Variants in ADAMTS18 observed in about 807,000 individuals in gnomAD.
ADAMTS18 encodes the protein ADAM metallopeptidase with thrombospondin type 1 motif 18, also known as A disintegrin and metalloproteinase with thrombospondin motifs 18.
In ADAMTS18, 157 loss-of-function variants were observed where a neutral mutation model predicts 165.9. The ratio of observed to expected loss-of-function variants is 0.95; its 90% CI spans 0.83 to 1.08. ADAMTS18 has a LOEUF of 1.08. Among genes scored for constraint, ADAMTS18 ranks in the 50% least tolerant of loss-of-function variants. The pLI, the probability that ADAMTS18 is intolerant of heterozygous loss-of-function variation, is 0.00. For missense variants in ADAMTS18, 2,040 were observed against 1,534.0 expected (o/e 1.33, Z -5.51); for synonymous variants, 782 against 578.2 (o/e 1.35, Z -5.06).
In ADAMTS18 at chr16:77,284,013, G is replaced by C; in HGVS notation, c.3609C>G (p.Val1203=). 6.2e-7 allele frequency: 1 copy of C among 1,614,026 alleles called. No homozygotes were observed. Among genetic ancestry groups the C allele is most frequent in the Non-Finnish European group, 8.5e-7 (1 of 1,179,958 alleles). Residue 1203 remains valine (V), a synonymous_variant, in exon 23 of 23, where the codon GTC becomes GTG. Coordinates refer to ENST00000282849, the MANE Select transcript of ADAMTS18 (RefSeq NM_199355.4). ...GTTTTCCGTAAAACTTGTGGTTGCA[G>C]ACACCATGCTGAGGAACTAGGTGAC... The part of the protein sequence containing the change: ...NWCHLVPQHG[V]CNHKFYGKQC...
intron 3 of ADAMTS18, among the ~76,000 whole-genome samples, chr16:77,429,008 C>A (rs1404977634): frequency 6.6e-6 from 1 of 152,130 alleles, no homozygotes; most frequent in Non-Finnish European, 1.5e-5. Flanking sequence ...TAAATTAGTT[C>A]AACCATTGTG....
chr16:77,328,419 C>T (rs1417518968), intron 12 of ADAMTS18, among the ~76,000 whole-genome samples: 1 of 152,068 alleles, frequency 6.6e-6, no homozygotes, highest in South Asian at 2.1e-4. Flanking sequence ...CTAAAACAGC[C>T]CTGGAGTTGC....
At chr16:77,294,348 T>G (rs561780487) in intron 19 of ADAMTS18, among the ~76,000 whole-genome samples, 5 of 152,224 alleles carry the variant, frequency 3.3e-5, no homozygotes, top group African/African-American at 1.2e-4. Context: ...TCTCCCCAAG[T>G]TGTGACATCA....
chr16:77,407,740 G>T (rs2057411049), intron 3 of ADAMTS18, among the ~76,000 whole-genome samples: 1 of 151,990 alleles, frequency 6.6e-6, no homozygotes, highest in Admixed American at 6.6e-5. Flanking sequence ...CCAATTGGGA[G>T]AAAATGGTAG....
chr16:77,397,700 C>A (rs753544841), intron 3 of ADAMTS18, among the ~76,000 whole-genome samples: 1 of 152,202 alleles, frequency 6.6e-6, no homozygotes, highest in Non-Finnish European at 1.5e-5. Flanking sequence ...CTTTGTTTTG[C>A]CCATGCAGAG....
At chr16:77,399,290 G>A (rs1198301510) in intron 3 of ADAMTS18, among the ~76,000 whole-genome samples, 3 of 152,332 alleles carry the variant, frequency 2.0e-5, no homozygotes, top group African/African-American at 7.2e-5. Flanking sequence ...TGGTGAGGAT[G>A]AAGCAGACAA....
At chr16:77,335,442 G>A (rs1010730744) in intron 12 of ADAMTS18, among the ~76,000 whole-genome samples, 8 of 151,924 alleles carry the variant, frequency 5.3e-5, no homozygotes, top group African/African-American at 1.7e-4. Flanking sequence ...GGTGACTATA[G>A]TTAACAATTC....
At chr16:77,366,845 T>C (rs1354874492) in intron 4 of ADAMTS18, among the ~76,000 whole-genome samples, 1 of 152,244 alleles carries the variant, frequency 6.6e-6, no homozygotes, top group Non-Finnish European at 1.5e-5. Flanking sequence ...TAATATTTTG[T>C]ACATGTTGGG....
intron 3 of ADAMTS18, among the ~76,000 whole-genome samples, chr16:77,411,640 T>C (rs1346361755): frequency 6.6e-6 from 1 of 151,926 alleles, no homozygotes; most frequent in Admixed American, 6.6e-5. Flanking sequence ...GATGGTTAAT[T>C]TTATTTGTCA....
At chr16:77,406,448 C>T (rs2057394172) in intron 3 of ADAMTS18, among the ~76,000 whole-genome samples, 1 of 152,048 alleles carries the variant, frequency 6.6e-6, no homozygotes, top group South Asian at 2.1e-4. Context: ...GCTTTTATCA[C>T]TTGTAATTAT....
At chr16:77,333,501 A>AAG (rs1555513944) in intron 12 of ADAMTS18, among the ~76,000 whole-genome samples, 1 of 151,588 alleles carries the variant, frequency 6.6e-6, no homozygotes, top group Non-Finnish European at 1.5e-5. Context: ...CCAAAAAAAA[A>AAG]AAAATAAAAC....
intron 6 of ADAMTS18, among the ~76,000 whole-genome samples, chr16:77,362,969 C>G (rs970043470): frequency 2.0e-5 from 3 of 152,188 alleles, no homozygotes; most frequent in Admixed American, 2.0e-4. Flanking sequence ...TTCCAAAAAC[C>G]ATTTGACAAG....
intron 12 of ADAMTS18, among the ~76,000 whole-genome samples, chr16:77,332,366 T>C (rs909578362): frequency 1.3e-5 from 2 of 152,102 alleles, no homozygotes; most frequent in East Asian, 3.9e-4. Context: ...TGTGACCCCG[T>C]CCTCCTGGTG....
At chr16:77,301,988 A>G (rs2055592342) in intron 16 of ADAMTS18, among the ~76,000 whole-genome samples, 1 of 145,776 alleles carries the variant, frequency 6.9e-6, no homozygotes, top group Non-Finnish European at 1.5e-5. Context: ...TATTTTGAAG[A>G]TCTTTCTAGT....
At chr16:77,382,886 T>G (rs1386418898) in intron 3 of ADAMTS18, among the ~76,000 whole-genome samples, 1 of 152,172 alleles carries the variant, frequency 6.6e-6, no homozygotes, top group Non-Finnish European at 1.5e-5. Flanking sequence ...CACGTCAGCA[T>G]CCTTGGAAAG....
At chr16:77,401,592 G>T (rs1021538689) in intron 3 of ADAMTS18, among the ~76,000 whole-genome samples, 3 of 152,212 alleles carry the variant, frequency 2.0e-5, no homozygotes, top group African/African-American at 7.2e-5. Flanking sequence ...TCTGTGTGAA[G>T]ATGAACTTTA....
chr16:77,341,776 G>A lies in ADAMTS18; in HGVS notation c.1638C>T (p.Cys546=), dbSNP rs2056401659. The A allele has an allele frequency of 6.2e-7, 1 of 1,612,780 alleles. No individual in the cohort carries two copies. The highest frequency in any genetic ancestry group is 8.5e-7 in the Non-Finnish European group (1 of 1,179,432). The change falls in exon 11 of 23, where the codon TGC becomes TGT. Residue 546 remains cysteine (C), a synonymous_variant. Coordinates refer to ENST00000282849, the MANE Select transcript of ADAMTS18 (RefSeq NM_199355.4). Reference sequence around the variant, plus strand: ...TCTCACACCTGTGGCCTACTCGGTGGCACCAAAGTGATTTGCAAATATCCT... The same window carrying A: ...TCTCACACCTGTGGCCTACTCGGTGACACCAAAGTGATTTGCAAATATCCT... The part of the protein sequence containing the change: ...FVKDICKSLW[C]HRVGHRCETK...
chr16:77,291,071 A>G (rs2055352912), intron 21 of ADAMTS18, 195 bp downstream of exon 21: 1 of 578,844 alleles, frequency 1.7e-6, no homozygotes, highest in South Asian at 2.0e-5. Context: ...ATGATTTTCT[A>G]GATGTGAAAA....
chr16:77,421,992 G>T (rs2057608937), intron 3 of ADAMTS18, among the ~76,000 whole-genome samples: 1 of 152,194 alleles, frequency 6.6e-6, no homozygotes, highest in South Asian at 2.1e-4. Flanking sequence ...CACCAAACAA[G>T]ATGTTTGGCT....
Sources: gnomAD v4.1 joint callset for allele counts (sites outside exome capture counted in the v4.1 genomes callset) on GRCh38, gnomAD v4.1.1 for gene constraint, MANE v1.5 for transcripts, NCBI Gene and HGNC (gene_info 2026-07-23, HGNC 2026-07-21) for gene names.